The following ADGRD2 variants were observed in gnomAD, a reference collection of about 807,000 sequenced individuals.
The protein encoded by ADGRD2 is adhesion G protein-coupled receptor D2.
In ADGRD2, 71 loss-of-function variants were observed where a neutral mutation model predicts 44.4. That is an observed-to-expected ratio of 1.60 (90% CI 1.32 to 1.95). ADGRD2 has a LOEUF of 1.95. Ranked by LOEUF, ADGRD2 falls within the 30% of genes most tolerant of loss-of-function variation. The pLI is 0.00. For synonymous variants in ADGRD2, 481 were observed against 224.8 expected (o/e 2.14, Z -10.19); for missense variants, 1,039 against 512.4 (o/e 2.03, Z -9.92).
chr9:124,473,326 A>G (rs1291608122), intron 17 of ADGRD2, among the ~76,000 whole-genome samples: 2 of 152,164 alleles, frequency 1.3e-5, no homozygotes, highest in African/African-American at 4.8e-5. Context: ...GGGAGAGCAA[A>G]GCCTCACTTC....
At chr9:124,473,030 C>T (rs139128672) in intron 17 of ADGRD2, among the ~76,000 whole-genome samples, 95 of 152,330 alleles carry the variant, frequency 6.2e-4, no homozygotes, top group African/African-American at 2.3e-3. Flanking sequence ...CTCAGTCAGT[C>T]CCTCTCCCCA....
intron 17 of ADGRD2, among the ~76,000 whole-genome samples, chr9:124,472,202 C>A (rs954700132): frequency 2.0e-5 from 3 of 152,210 alleles, no homozygotes; most frequent in African/African-American, 7.2e-5. Context: ...GTCGCACCGT[C>A]TCAGATCCCT....
At position 124,454,912 on chromosome 9, in the gene ADGRD2, C is replaced by T; in HGVS notation, c.1180C>T (p.Leu394Phe). The stretch of plus-strand genomic sequence containing the variant: ...AGCGGAGGCCTCCAGCTTCCTGGGC[C>T]TTCTGGAGCATGTCCTGGCGATGGA... Residue 394 changes from leucine to phenylalanine, a missense_variant, in exon 6 of 22, where the codon CTT (leucine) becomes TTT (phenylalanine). Leu to Phe is a conservative substitution (Grantham distance 22, BLOSUM62 0). Transcript: ENST00000334810. The surrounding 1 kb of genome is among the most constrained non-coding windows in gnomAD (Gnocchi z 4.5). 1.4e-6 allele frequency: 1 copy of T among 715,840 alleles called. No homozygotes were observed. Among genetic ancestry groups the T allele is most frequent in the South Asian group, 1.5e-5 (1 of 67,600 alleles). 44.3% of individuals were successfully genotyped at this position (715,840 alleles called of 1,614,324 possible).
intron 10 of ADGRD2, among the ~76,000 whole-genome samples, chr9:124,460,390 T>A (rs200427829): frequency 7.6e-4 from 65 of 85,588 alleles, no homozygotes; most frequent in Middle Eastern, 7.4e-3. Context: ...ATATATATAT[T>A]TTTTTTTAGT....
chr9:124,453,423 G>T, exon 3 of ADGRD2: 1 of 641,412 alleles, frequency 1.6e-6, no homozygotes, highest in Non-Finnish European at 2.8e-6. Flanking sequence ...CCGGCCACCC[G>T]GTGCCGTCCG....
At chr9:124,464,073 C>T (rs1027146073) in intron 10 of ADGRD2, among the ~76,000 whole-genome samples, 1 of 152,004 alleles carries the variant, frequency 6.6e-6, no homozygotes, top group African/African-American at 2.4e-5. Context: ...CTCCTGGGCC[C>T]AAGTGATCCT....
chr9:124,450,898 T>C (rs550302747), upstream of ADGRD2, among the ~76,000 whole-genome samples: 1 of 152,306 alleles, frequency 6.6e-6, no homozygotes, highest in South Asian at 2.1e-4. Context: ...GGCACATTTG[T>C]GTAAAGCCAG....
intron 10 of ADGRD2, chr9:124,465,124 C>T (rs144832118): frequency 1.2e-4 from 19 of 153,124 alleles, no homozygotes; most frequent in African/African-American, 3.8e-4. Flanking sequence ...TCACCTGTGA[C>T]GCATGGTGGG....
intron 10 of ADGRD2, among the ~76,000 whole-genome samples, chr9:124,459,673 A>G (rs1831691446): frequency 3.9e-5 from 6 of 152,112 alleles, no homozygotes. Context: ...CTATTTATAT[A>G]TTTATATTTT....
exon 12 of ADGRD2, chr9:124,467,787 G>A (rs1043700981): frequency 3.1e-5 from 22 of 718,340 alleles, no homozygotes; most frequent in African/African-American, 1.7e-4. Context: ...GTCCTTCTGC[G>A]CCCTCACCAC....
chr9:124,469,334 G>A (rs762689782), exon 15 of ADGRD2: 7 of 718,332 alleles, frequency 9.7e-6, no homozygotes, highest in South Asian at 8.9e-5. Context: ...CCTTCGTGGG[G>A]CCTGTGCTCT....
Position 124,454,140 on chromosome 9 carries a change from C to A in ADGRD2, c.1022+43C>A. On this transcript the variant is annotated intron_variant, in intron 4 of 21. Coordinates refer to ENST00000334810, the Ensembl canonical transcript of ADGRD2. The surrounding 1 kb of genome is among the most constrained non-coding windows in gnomAD (Gnocchi z 4.5). Reference sequence around the variant, plus strand: ...CCCTGGGCTCTGCTGAAGGGAAAGCCGGTGTGGACCGGAGTAGACTGAGAG... The same window carrying A: ...CCCTGGGCTCTGCTGAAGGGAAAGCAGGTGTGGACCGGAGTAGACTGAGAG... 1.2e-5 allele frequency: 8 copies of A among 641,278 alleles called. No individual in the cohort carries two copies. The allele number at this position is 641,278 out of a possible 1,614,324, so 39.7% of individuals were successfully genotyped here.
rs1351520126 is a variant in ADGRD2 at position 124,475,506 on chromosome 9, G to A, written c.2800+19G>A. On this transcript the variant is annotated intron_variant, in intron 18 of 21. Transcript: ENST00000334810. ...TGAGGAGGTGAGTCTGGGGGTGCCGGCTGCAGGGAGAGGGGTCCAAGGGGT... is the reference window on the plus strand; with the variant it reads ...TGAGGAGGTGAGTCTGGGGGTGCCGACTGCAGGGAGAGGGGTCCAAGGGGT... 1 of 715,050 alleles carries A rather than the reference G, an allele frequency of 1.4e-6. No homozygotes were observed. The highest frequency in any genetic ancestry group is 2.6e-6 in the Non-Finnish European group (1 of 383,350). 44.3% of individuals were successfully genotyped at this position (715,050 alleles called of 1,614,324 possible). A position where few individuals can be genotyped will look rare whatever the true frequency, so the allele number is the denominator to read the frequency against.
At chr9:124,465,005 T>C (rs1831792308) in intron 10 of ADGRD2, among the ~76,000 whole-genome samples, 1 of 152,310 alleles carries the variant, frequency 6.6e-6, no homozygotes, top group Admixed American at 6.5e-5. Context: ...CGCAGTTGCT[T>C]AACTGCTCCC....
Position 124,454,224 on chromosome 9 carries a change from C to T in ADGRD2, c.1022+127C>T. 1 of 598,652 alleles carries T rather than the reference C, an allele frequency of 1.7e-6. No individual in the cohort carries two copies. Among genetic ancestry groups the T allele is most frequent in the East Asian group, 2.8e-5 (1 of 36,050 alleles). 37.1% of individuals were successfully genotyped at this position (598,652 alleles called of 1,614,324 possible). On this transcript the variant is annotated intron_variant, in intron 4 of 21. Coordinates refer to ENST00000334810, the Ensembl canonical transcript of ADGRD2. This position sits in a 1 kb window ranked among gnomAD's most constrained non-coding sequence, Gnocchi z 4.5. ...AATAAACTCAGAGCTTCAAGGTCTC[C>T]ATGGAGTCTAGGCCACAGAGCAGTG...
chr9:124,476,888 C>T lies in ADGRD2; in HGVS notation c.*18+179C>T. 5.7e-6 allele frequency: 4 copies of T among 702,120 alleles called. No individual in the cohort carries two copies. The Admixed American group carries it at 8.0e-5, about 14-fold the overall frequency. The allele number at this position is 702,120 out of a possible 1,614,324, so 43.5% of individuals were successfully genotyped here. On this transcript the variant is annotated intron_variant, in intron 21 of 21. Transcript: ENST00000334810. The stretch of plus-strand genomic sequence containing the variant: ...CACTGGGGGCCTGGCGGGGACCAGG[C>T]AGTACCCCTTGGGAGGACTTCATTA...
rs200043999 is a variant in ADGRD2 at position 124,458,758 on chromosome 9, C to T, written c.1870+37C>T. On this transcript the variant is annotated intron_variant, in intron 10 of 21. Coordinates refer to ENST00000334810, the Ensembl canonical transcript of ADGRD2. ...CGCTTCTGGGAAGCAGCCATCCTGG[C>T]GCACGTGTCCTGGTTCAGTTCCCCC... The T allele has an allele frequency of 2.9e-5, 21 of 712,456 alleles. No homozygotes were observed. In the Admixed American group the frequency reaches 3.2e-4, roughly 11 times the overall value. 44.1% of individuals were successfully genotyped at this position (712,456 alleles called of 1,614,324 possible). A position where few individuals can be genotyped will look rare whatever the true frequency, so the allele number is the denominator to read the frequency against.
chr9:124,471,658 TCCA>T (rs974711762), intron 17 of ADGRD2, among the ~76,000 whole-genome samples: 1 of 152,154 alleles, frequency 6.6e-6, no homozygotes, highest in Non-Finnish European at 1.5e-5. Context: ...CCACAGGGCA[TCCA>T]GCTATGACCA....
chr9:124,459,432 T>G (rs1050611335), intron 10 of ADGRD2, among the ~76,000 whole-genome samples: 8 of 151,762 alleles, frequency 5.3e-5, no homozygotes, highest in African/African-American at 1.7e-4. Flanking sequence ...AGGCGGAGGT[T>G]GTAGTGAGCC....
Sources: gnomAD v4.1 joint callset for allele counts (sites outside exome capture counted in the v4.1 genomes callset) on GRCh38, gnomAD v4.1.1 for gene constraint, Gnocchi (gnomAD v3.1) non-coding constraint, MANE v1.5 for transcripts, NCBI Gene and HGNC (gene_info 2026-07-23, HGNC 2026-07-21) for gene names.